The following SNX29 variants were observed in gnomAD, a reference collection of about 807,000 sequenced individuals.
SNX29 encodes sorting nexin-29.
In SNX29, 78 loss-of-function variants were observed where a neutral mutation model predicts 102.1. That is an observed-to-expected ratio of 0.76 (90% CI 0.64 to 0.92). The LOEUF is 0.92. SNX29 is among the 40% of genes least tolerant of loss of function. The pLI, the probability that SNX29 is intolerant of heterozygous loss-of-function variation, is 0.00. For synonymous variants in SNX29, 580 were observed against 414.5 expected (o/e 1.40, Z -4.85); for missense variants, 1,280 against 1,061.7 (o/e 1.21, Z -2.86).
At chr16:12,251,392 T>G (rs1451143256) in intron 14 of SNX29, among the ~76,000 whole-genome samples, 1 of 152,208 alleles carries the variant, frequency 6.6e-6, no homozygotes, top group East Asian at 1.9e-4. Flanking sequence ...ACCTTTATGA[T>G]GCACAAGCCA....
chr16:12,556,977 T>C (rs2078399035), intron 20 of SNX29, among the ~76,000 whole-genome samples: 1 of 146,678 alleles, frequency 6.8e-6, no homozygotes, highest in South Asian at 2.2e-4. Context: ...GCCTCATGAG[T>C]AGCTGGACAA....
chr16:12,096,198 A>T lies in SNX29; in HGVS notation c.1402+17283A>T, dbSNP rs2052759213. 6.6e-6 allele frequency among the ~76,000 whole-genome samples: 1 copy of T among 152,216 alleles called. No homozygotes were observed. On this transcript the variant is annotated intron_variant, in intron 11 of 20. Coordinates refer to ENST00000566228, the MANE Select transcript of SNX29 (RefSeq NM_032167.5). The surrounding 1 kb of genome is among the most constrained non-coding windows in gnomAD (Gnocchi z 4.2). ...CCCTCACGCTGGGCATCTTTCTTTAAAGGGGAAACTTCCCACTGAATTTTG... is the reference window on the plus strand; with the variant it reads ...CCCTCACGCTGGGCATCTTTCTTTATAGGGGAAACTTCCCACTGAATTTTG...
intron 13 of SNX29, among the ~76,000 whole-genome samples, chr16:12,159,858 G>T (rs1003098568): frequency 6.6e-6 from 1 of 152,164 alleles, no homozygotes; most frequent in African/African-American, 2.4e-5. Flanking sequence ...CCCTTATCCC[G>T]TGCTTTTGCA....
intron 11 of SNX29, among the ~76,000 whole-genome samples, chr16:12,106,840 G>A (rs908362427): frequency 5.4e-5 from 8 of 148,058 alleles, no homozygotes; most frequent in African/African-American, 1.2e-4. Context: ...TTTTGAGACC[G>A]GGTCTCACTC....
At chr16:12,191,582 G>A (rs534909710) in intron 13 of SNX29, among the ~76,000 whole-genome samples, 12 of 152,208 alleles carry the variant, frequency 7.9e-5, no homozygotes, top group Non-Finnish European at 1.3e-4. Flanking sequence ...TCTGTAAAGG[G>A]CAGTGTAAGA....
chr16:12,376,736 C>A (rs1282729729), intron 16 of SNX29, among the ~76,000 whole-genome samples: 342 of 77,702 alleles, frequency 4.4e-3, no homozygotes, highest in South Asian at 0.017. Flanking sequence ...GACTCTGTCT[C>A]AAAAAAAAAA....
chr16:12,513,415 C>CT (rs1035288612), intron 19 of SNX29, among the ~76,000 whole-genome samples: 5 of 151,878 alleles, frequency 3.3e-5, no homozygotes, highest in Non-Finnish European at 5.9e-5. Context: ...ACTCAGTTCT[C>CT]TTTCCTCCTA....
chr16:12,337,720 G>A (rs1286314837), intron 15 of SNX29, among the ~76,000 whole-genome samples: 1 of 152,310 alleles, frequency 6.6e-6, no homozygotes, highest in Middle Eastern at 3.4e-3. Flanking sequence ...GGGAAGGATT[G>A]TCATTCAGTG....
chr16:12,485,145 C>T (rs913419442), intron 19 of SNX29, among the ~76,000 whole-genome samples: 6 of 152,148 alleles, frequency 3.9e-5, no homozygotes, highest in African/African-American at 9.7e-5. Flanking sequence ...TGTTCTCACC[C>T]GACTTTTGGC....
At chr16:12,324,081 G>A (rs925934494) in intron 15 of SNX29, among the ~76,000 whole-genome samples, 5 of 152,028 alleles carry the variant, frequency 3.3e-5, no homozygotes, top group African/African-American at 4.8e-5. Flanking sequence ...TTGGACCATC[G>A]CAGTGTGCTG....
chr16:12,134,998 G>A (rs530147645), intron 13 of SNX29, among the ~76,000 whole-genome samples: 6 of 152,294 alleles, frequency 3.9e-5, no homozygotes, highest in African/African-American at 1.4e-4. Flanking sequence ...AGAACCTGTG[G>A]TGTAGGTTCC....
chr16:11,986,651 G>A (rs556322010), intron 1 of SNX29, among the ~76,000 whole-genome samples: 3 of 152,108 alleles, frequency 2.0e-5, no homozygotes, highest in Non-Finnish European at 2.9e-5. Flanking sequence ...TTGATGTACC[G>A]CAGCTATTTA....
At chr16:12,101,389 T>TA (rs199990687) in intron 11 of SNX29, among the ~76,000 whole-genome samples, 91 of 150,052 alleles carry the variant, frequency 6.1e-4, no homozygotes, top group Non-Finnish European at 1.1e-3. Context: ...CAATTTTATT[T>TA]TTTTTTTTTT....
intron 14 of SNX29, among the ~76,000 whole-genome samples, chr16:12,257,144 C>T (rs914742028): frequency 2.0e-5 from 3 of 152,126 alleles, no homozygotes; most frequent in Admixed American, 6.5e-5. Context: ...CTAAGGTTCC[C>T]GCTTCTGGTT....
At chr16:12,204,502 C>G (rs1436273074) in intron 14 of SNX29, among the ~76,000 whole-genome samples, 2 of 152,150 alleles carry the variant, frequency 1.3e-5, no homozygotes, top group Non-Finnish European at 2.9e-5. Flanking sequence ...TAGCGTAGTC[C>G]TGTTCAATAG....
chr16:12,270,260 T>C (rs1171412264), intron 14 of SNX29, among the ~76,000 whole-genome samples: 1 of 152,236 alleles, frequency 6.6e-6, no homozygotes, highest in Non-Finnish European at 1.5e-5. Flanking sequence ...ATTTATTGTT[T>C]AGGTTTGACT....
chr16:12,380,828 CACCCACCCACCCACCCACCATCT>C (rs2083084530), intron 16 of SNX29, among the ~76,000 whole-genome samples: 1 of 91,610 alleles, frequency 1.1e-5, no homozygotes, highest in Non-Finnish European at 2.3e-5. Flanking sequence ...GCCATCCATC[CACCCACCCACCCACCCACCATCT>C]ATCCATCCAC....
intron 19 of SNX29, among the ~76,000 whole-genome samples, chr16:12,486,230 A>G (rs1259442280): frequency 2.6e-5 from 4 of 152,150 alleles, no homozygotes; most frequent in African/African-American, 9.7e-5. Flanking sequence ...ACAGCAGGGA[A>G]GAGTTCTCCA....
intron 18 of SNX29, among the ~76,000 whole-genome samples, chr16:12,416,946 C>A (rs1430046208): frequency 6.6e-6 from 1 of 152,210 alleles, no homozygotes; most frequent in Non-Finnish European, 1.5e-5. Flanking sequence ...AACCCCATAA[C>A]TGTGTATAAT....
Sources: allele counts gnomAD v4.1 joint callset (sites outside exome capture counted in the v4.1 genomes callset), GRCh38; gene constraint gnomAD v4.1.1; non-coding constraint Gnocchi (gnomAD v3.1); transcripts MANE v1.5; gene names NCBI Gene and HGNC (gene_info 2026-07-23, HGNC 2026-07-21).